Variants in KDM4C observed in about 807,000 individuals in gnomAD.
The protein encoded by KDM4C is lysine-specific demethylase 4C.
Under a neutral mutation model 129.3 loss-of-function variants are expected in KDM4C, and 81 were observed. That is an observed-to-expected ratio of 0.63 (90% confidence interval 0.52 to 0.75). The LOEUF is 0.75. Ranked by LOEUF, KDM4C falls within the 30% of genes least tolerant of loss-of-function variation. The pLI, the probability that KDM4C is intolerant of heterozygous loss-of-function variation, is 0.00. For synonymous variants in KDM4C, 573 were observed against 456.1 expected, an observed-to-expected ratio of 1.26 and a Z score of -3.26; for missense variants, 1,457 against 1,304.0, an observed-to-expected ratio of 1.12 and a Z score of -1.81.
At chr9:7,160,076 A>T (rs1172924140) in intron 19 of KDM4C, among the ~76,000 whole-genome samples, 1 of 152,020 alleles carries the variant, frequency 6.6e-6, no homozygotes, top group Admixed American at 6.6e-5. Context: ...TAATTTCATT[A>T]TTTTGATCTT....
At chr9:6,742,657 T>A (rs1165194113) in intron 1 of KDM4C, among the ~76,000 whole-genome samples, 1 of 136,826 alleles carries the variant, frequency 7.3e-6, no homozygotes, top group Non-Finnish European at 1.5e-5. Context: ...TTCCTCAGGC[T>A]CCTTTATTTT....
intron 4 of KDM4C, among the ~76,000 whole-genome samples, chr9:6,848,882 A>G (rs565310139): frequency 6.6e-6 from 1 of 152,322 alleles, no homozygotes; most frequent in Non-Finnish European, 1.5e-5. Flanking sequence ...CCATTAACAT[A>G]AGAGGTAAAT....
At chr9:6,919,832 C>A (rs974255260) in intron 8 of KDM4C, among the ~76,000 whole-genome samples, 1 of 152,002 alleles carries the variant, frequency 6.6e-6, no homozygotes, top group African/African-American at 2.4e-5. Context: ...GCCTTGGCCC[C>A]CCAAAGTGCT....
chr9:7,027,179 G>C (rs1825950647), intron 15 of KDM4C, among the ~76,000 whole-genome samples: 1 of 152,070 alleles, frequency 6.6e-6, no homozygotes. Context: ...TAAAGAGTTA[G>C]GTATTTACTG....
At chr9:7,099,510 C>A (rs897975581) in intron 17 of KDM4C, among the ~76,000 whole-genome samples, 4 of 152,176 alleles carry the variant, frequency 2.6e-5, no homozygotes, top group African/African-American at 9.7e-5. Context: ...TCTCTCAGCC[C>A]TTGACACTGA....
chr9:6,759,060 G>A (rs1245558330), intron 1 of KDM4C, among the ~76,000 whole-genome samples: 2 of 152,142 alleles, frequency 1.3e-5, no homozygotes, highest in African/African-American at 4.8e-5. Context: ...TACCGGGAGG[G>A]GTTTTGTCAG....
intron 8 of KDM4C, among the ~76,000 whole-genome samples, chr9:6,931,918 C>T (rs1047337857): frequency 2.6e-5 from 4 of 152,140 alleles, no homozygotes; most frequent in African/African-American, 9.7e-5. Context: ...AGGTAGCTGT[C>T]CAGTTGAAAA....
intron 19 of KDM4C, among the ~76,000 whole-genome samples, chr9:7,162,621 A>G (rs927743369): frequency 6.6e-6 from 1 of 152,152 alleles, no homozygotes; most frequent in Non-Finnish European, 1.5e-5. Context: ...CATGTCCCTC[A>G]GCTCTCCTTG....
chr9:6,920,210 C>G (rs1363237869), intron 8 of KDM4C, among the ~76,000 whole-genome samples: 1 of 152,106 alleles, frequency 6.6e-6, no homozygotes, highest in Non-Finnish European at 1.5e-5. Flanking sequence ...GGAAAGCAGT[C>G]CTCATGTGCT....
intron 8 of KDM4C, among the ~76,000 whole-genome samples, chr9:6,969,803 C>T (rs191269958): frequency 1.3e-5 from 2 of 152,182 alleles, no homozygotes; most frequent in East Asian, 1.9e-4. Flanking sequence ...TTAAGTGCAT[C>T]GATTCTGCCT....
intron 8 of KDM4C, among the ~76,000 whole-genome samples, chr9:6,954,362 T>G (rs1024088100): frequency 3.3e-5 from 5 of 152,170 alleles, no homozygotes; most frequent in African/African-American, 4.8e-5. Context: ...TAATTAATTA[T>G]GTCTGTATTT....
At chr9:7,096,408 G>C (rs1248704197) in intron 17 of KDM4C, among the ~76,000 whole-genome samples, 1 of 152,210 alleles carries the variant, frequency 6.6e-6, no homozygotes, top group African/African-American at 2.4e-5. Context: ...AAAAAGGGCA[G>C]GAAGCATCCA....
At chr9:6,816,632 C>T (rs1222933657) in intron 4 of KDM4C, among the ~76,000 whole-genome samples, 1 of 152,182 alleles carries the variant, frequency 6.6e-6, no homozygotes, top group Non-Finnish European at 1.5e-5. Flanking sequence ...CCAGCTTACA[C>T]TTCCTATAGC....
At chr9:7,108,518 T>G (rs893270998) in intron 18 of KDM4C, among the ~76,000 whole-genome samples, 31 of 152,212 alleles carry the variant, frequency 2.0e-4, no homozygotes, top group Non-Finnish European at 4.1e-4. Flanking sequence ...ATTACAGGCA[T>G]GAGCCACTGC....
chr9:6,889,251 G>GTGTGTGTGTGTGTGTGT (rs61683546), intron 7 of KDM4C, among the ~76,000 whole-genome samples: 1 of 137,982 alleles, frequency 7.2e-6, no homozygotes, highest in East Asian at 2.2e-4. Flanking sequence ...GTGTGTGTGT[G>GTGTGTGTGTGTGTGTGT]GGAGGGTGGG....
chr9:6,919,509 A>G (rs955765467), intron 8 of KDM4C, among the ~76,000 whole-genome samples: 11 of 149,792 alleles, frequency 7.3e-5, no homozygotes, highest in Admixed American at 3.4e-4. Flanking sequence ...AGAATTGCCT[A>G]TATTTCATCT....
intron 18 of KDM4C, among the ~76,000 whole-genome samples, chr9:7,116,530 C>A (rs1838917452): frequency 1.3e-5 from 2 of 152,226 alleles, no homozygotes; most frequent in African/African-American, 2.4e-5. Context: ...CACGTGAACC[C>A]CATAACATAC....
chr9:7,088,210 G>A, intron 17 of KDM4C, among the ~76,000 whole-genome samples: 1 of 152,166 alleles, frequency 6.6e-6, no homozygotes, highest in East Asian at 1.9e-4. Context: ...GCCTCGGAAG[G>A]ACCCTTAAAG....
chr9:6,805,685 C>T lies in KDM4C; in HGVS notation c.231C>T (p.Val77=), dbSNP rs572148797. ...LLIPAPIQQM[V]TGQSGLFTQY... The stretch of plus-strand genomic sequence containing the variant: ...TTCCAGCACCAATTCAGCAGATGGT[C>T]ACAGGGCAGTCAGGACTGTTCACTC... Residue 77 remains valine (V), a synonymous_variant, in exon 3 of 22, where the codon GTC becomes GTT. Coordinates refer to ENST00000381309, the MANE Select transcript of KDM4C (RefSeq NM_015061.6). The T allele has an allele frequency of 4.0e-5, 65 of 1,614,020 alleles. No homozygotes were observed. In the Middle Eastern group the frequency reaches 4.9e-4, roughly 12 times the overall value.
Sources: allele counts gnomAD v4.1 joint callset (sites outside exome capture counted in the v4.1 genomes callset), GRCh38; gene constraint gnomAD v4.1.1; transcripts MANE v1.5; gene names NCBI Gene and HGNC (gene_info 2026-07-23, HGNC 2026-07-21).